Variants in AGO2 observed in about 807,000 individuals in gnomAD.
The protein encoded by AGO2 is argonaute RISC catalytic component 2.
Under a neutral mutation model 102.3 loss-of-function variants are expected in AGO2, and 5 were observed. The observed-to-expected ratio is 0.05, with a 90% confidence interval of 0.03 to 0.10. The LOEUF is 0.10. Ranked by LOEUF, AGO2 falls within the 10% of genes least tolerant of loss-of-function variation. The pLI, the probability that AGO2 is intolerant of heterozygous loss-of-function variation, is 1.00. For missense variants in AGO2, 541 were observed against 1,183.7 expected, an observed-to-expected ratio of 0.46 and a Z score of 7.97; for synonymous variants, 449 against 473.1, an observed-to-expected ratio of 0.95 and a Z score of 0.66.
In AGO2 at chr8:140,547,457, C is replaced by A. The variant is rs2072921077; in HGVS notation, c.1748+11G>T. On this transcript the variant is annotated intron_variant, in intron 13 of 18. Coordinates refer to ENST00000220592, the MANE Select transcript of AGO2 (RefSeq NM_012154.5). The stretch of plus-strand genomic sequence containing the variant: ...TGGTCCGCAGGCGGAGGTAAAGGGG[C>A]CGGGCCTCACCTGCCCTGGGGCAGC... 1 of 1,612,548 alleles carries A rather than the reference C, an allele frequency of 6.2e-7. No individual in the cohort carries two copies. The highest frequency in any genetic ancestry group is 8.5e-7 in the Non-Finnish European group (1 of 1,179,120).
the AGO2 span, among the ~76,000 whole-genome samples, chr8:140,640,919 A>AT: frequency 6.6e-6 from 1 of 152,322 alleles, no homozygotes; most frequent in Middle Eastern, 3.4e-3. Flanking sequence ...ATCCCAATGC[A>AT]TCTTCTACAA....
At chr8:140,535,289 C>T in intron 17 of AGO2, 179 bp downstream of exon 17, 1 of 638,126 alleles carries the variant, frequency 1.6e-6, no homozygotes, top group Non-Finnish European at 2.8e-6. Flanking sequence ...ACCCACCCCC[C>T]AGGCCCCTCT....
At chr8:140,611,418 C>A (rs1388197725) in intron 1 of AGO2, among the ~76,000 whole-genome samples, 1 of 151,904 alleles carries the variant, frequency 6.6e-6, no homozygotes, top group Admixed American at 6.6e-5. Flanking sequence ...ACCTCTGCCT[C>A]CCAGGTTGAA....
chr8:140,549,053 G>C, intron 12 of AGO2, 61 bp downstream of exon 12: 1 of 1,527,548 alleles, frequency 6.5e-7, no homozygotes, highest in Non-Finnish European at 8.8e-7. Context: ...GCTTAGGCAG[G>C]AACAAACACC....
At chr8:140,634,684 CA>C (rs1181140272) in intron 1 of AGO2, among the ~76,000 whole-genome samples, 3 of 152,216 alleles carry the variant, frequency 2.0e-5, no homozygotes, top group Admixed American at 1.3e-4. Flanking sequence ...TACAGGAATC[CA>C]CCTCGCCTCA....
At position 140,539,579 on chromosome 8, in the gene AGO2, C is replaced by T; in HGVS notation, c.2035-125G>A. On this transcript the variant is annotated intron_variant, in intron 15 of 18. Coordinates refer to ENST00000220592, the MANE Select transcript of AGO2 (RefSeq NM_012154.5). The surrounding 1 kb of genome is among the most constrained non-coding windows in gnomAD (Gnocchi z 4.7). ...GATTCTGAGAGACAATGAGTGTGTTCACGGGGAGGTGAAAACACGGGGGCA... is the reference window on the plus strand; with the variant it reads ...GATTCTGAGAGACAATGAGTGTGTTTACGGGGAGGTGAAAACACGGGGGCA... 1.7e-6 allele frequency: 2 copies of T among 1,190,360 alleles called. No homozygotes were observed. Among genetic ancestry groups the T allele is most frequent in the Non-Finnish European group, 1.2e-6 (1 of 854,364 alleles). 73.7% of individuals were successfully genotyped at this position (1,190,360 alleles called of 1,614,324 possible). A position where few individuals can be genotyped will look rare whatever the true frequency, so the allele number is the denominator to read the frequency against.
chr8:140,594,418 G>A (rs1185787640), intron 1 of AGO2, among the ~76,000 whole-genome samples: 1 of 152,026 alleles, frequency 6.6e-6, no homozygotes, highest in Non-Finnish European at 1.5e-5. Flanking sequence ...TTTGGGGTGG[G>A]AATGCTCTTT....
intron 2 of AGO2, among the ~76,000 whole-genome samples, chr8:140,583,727 T>C (rs1305409012): frequency 6.6e-6 from 1 of 152,004 alleles, no homozygotes; most frequent in East Asian, 1.9e-4. Context: ...TACAAAAAAT[T>C]AGCCAGGTGT....
At chr8:140,550,345 C>T (rs1255100522) in intron 11 of AGO2, among the ~76,000 whole-genome samples, 1 of 152,218 alleles carries the variant, frequency 6.6e-6, no homozygotes, top group Non-Finnish European at 1.5e-5. Flanking sequence ...CTTTATGTTC[C>T]CTTTGAAGTC....
chr8:140,595,541 A>G (rs1361077010), intron 1 of AGO2, among the ~76,000 whole-genome samples: 3 of 147,360 alleles, frequency 2.0e-5, no homozygotes, highest in Non-Finnish European at 4.5e-5. Flanking sequence ...CATAGGGCTC[A>G]AGTGATCCTC....
intron 1 of AGO2, among the ~76,000 whole-genome samples, chr8:140,622,074 T>C (rs1157180311): frequency 6.6e-6 from 1 of 152,068 alleles, no homozygotes; most frequent in Non-Finnish European, 1.5e-5. Context: ...CAAAAAGAAA[T>C]GAAACACTGA....
At chr8:140,547,369 G>A in intron 13 of AGO2, 99 bp downstream of exon 13, 1 of 1,463,242 alleles carries the variant, frequency 6.8e-7, no homozygotes, top group Non-Finnish European at 9.2e-7. Flanking sequence ...CCCAGGTGAA[G>A]GGACCCTGCC....
At chr8:140,640,215 G>C (rs1365901475), upstream of AGO2, among the ~76,000 whole-genome samples, 1 of 152,096 alleles carries the variant, frequency 6.6e-6, no homozygotes, top group South Asian at 2.1e-4. Context: ...TCATCATGTT[G>C]GCCAGGCTTG....
rs1475163649 is a variant in AGO2 at position 140,541,359 on chromosome 8, C to T, written c.1840-1G>A. 6.3e-7 allele frequency: 1 copy of T among 1,599,068 alleles called. No homozygotes were observed. Among genetic ancestry groups the T allele is most frequent in the Non-Finnish European group, 8.5e-7 (1 of 1,173,960 alleles). ...GGTGGGCGTCCATGCTGCCCACCACCTGCAGGAACAGGCAGTGAGTGTGGT... is the reference window on the plus strand; with the variant it reads ...GGTGGGCGTCCATGCTGCCCACCACTTGCAGGAACAGGCAGTGAGTGTGGT... On this transcript the variant is annotated splice_acceptor_variant, in intron 14 of 18. Transcript: ENST00000220592. LOFTEE classifies it high-confidence loss of function.
chr8:140,636,027 C>T (rs890943649), upstream of AGO2, among the ~76,000 whole-genome samples: 1 of 150,560 alleles, frequency 6.6e-6, no homozygotes, highest in Non-Finnish European at 1.5e-5. Context: ...GCCGCCGGAG[C>T]CGGAGGGGAG....
Position 140,562,447 on chromosome 8 carries a change from C to T in AGO2, c.518+6G>A, listed in dbSNP as rs1356014362. 3 of 1,608,562 alleles carry T rather than the reference C, an allele frequency of 1.9e-6. No individual in the cohort carries two copies. The highest frequency in any genetic ancestry group is 2.5e-6 in the Non-Finnish European group (3 of 1,176,958). On this transcript the variant is annotated splice_donor_region_variant and intron_variant, in intron 4 of 18. Coordinates refer to ENST00000220592, the MANE Select transcript of AGO2 (RefSeq NM_012154.5). The stretch of plus-strand genomic sequence containing the variant: ...CCCCGCCCTTGGTCCCGTGTGGCGC[C>T]CTCACCTCATGGATGGCAAGTGCCT...
Position 140,572,815 on chromosome 8 carries a change from G to C in AGO2, c.333C>G (p.Asp111Glu). 6.2e-7 allele frequency: 1 copy of C among 1,610,458 alleles called. No homozygotes were observed. The highest frequency in any genetic ancestry group is 8.5e-7 in the Non-Finnish European group (1 of 1,179,076). Reference sequence around the variant, plus strand: ...AAGGGCATCCCGGCGAGCTTACCTTGTCCCTCCCAATCGGAAGGGGCATGG... The same window carrying C: ...AAGGGCATCCCGGCGAGCTTACCTTCTCCCTCCCAATCGGAAGGGGCATGG... ...YTAMPLPIGRDKVELEVTLPG... is the reference protein window; with the variant it reads ...YTAMPLPIGREKVELEVTLPG... The change falls in exon 3 of 19, where the codon GAC becomes GAG. Residue 111 changes from aspartate (D) to glutamate (E), a missense_variant. Around this residue, in one of 6 missense-constraint regions of AGO2, gnomAD observed 147 missense variants for 204.1 expected, o/e 0.72. Transcript: ENST00000220592.
At chr8:140,591,638 T>A (rs1013137009) in intron 1 of AGO2, 2 of 152,230 alleles carry the variant, frequency 1.3e-5, no homozygotes, top group Admixed American at 6.5e-5. Context: ...TGGGGTTTTT[T>A]AAAATAAATG....
At chr8:140,545,390 T>G (rs1200724052) in intron 13 of AGO2, among the ~76,000 whole-genome samples, 1 of 152,134 alleles carries the variant, frequency 6.6e-6, no homozygotes, top group African/African-American at 2.4e-5. Flanking sequence ...CCTAGGGCCC[T>G]GCGGCCGGCC....
Sources: gnomAD v4.1 joint callset for allele counts (sites outside exome capture counted in the v4.1 genomes callset) on GRCh38, gnomAD v4.1.1 for gene constraint, gnomAD v4.1.1 regional missense constraint, Gnocchi (gnomAD v3.1) non-coding constraint, MANE v1.5 for transcripts, NCBI Gene and HGNC (gene_info 2026-07-23, HGNC 2026-07-21) for gene names.